Variants in PPTC7 observed in about 807,000 individuals in gnomAD.
The protein encoded by PPTC7 is protein phosphatase PTC7 homolog.
In PPTC7, 6 loss-of-function variants were observed where a neutral mutation model predicts 30.8. That is an observed-to-expected ratio of 0.19 (90% CI 0.11 to 0.38). The LOEUF (loss-of-function observed/expected upper bound fraction) is 0.38. PPTC7 is among the 10% of genes least tolerant of loss of function. The pLI, the probability that PPTC7 is intolerant of heterozygous loss-of-function variation, is 1.00. For missense variants in PPTC7, 218 were observed against 404.8 expected (o/e 0.54, Z 3.96); for synonymous variants, 163 against 168.1 (o/e 0.97, Z 0.23).
chr12:110,542,737 T>C (rs946615933), intron 3 of PPTC7, among the ~76,000 whole-genome samples: 1 of 149,506 alleles, frequency 6.7e-6, no homozygotes, highest in Non-Finnish European at 1.5e-5. Flanking sequence ...AAAGAAACCT[T>C]TGAGGACAGA....
intron 3 of PPTC7, among the ~76,000 whole-genome samples, chr12:110,540,321 C>CCCCTT (rs377082561): frequency 3.8e-5 from 4 of 105,010 alleles, no homozygotes; most frequent in Non-Finnish European, 5.5e-5. Context: ...CCCCCCCCGC[C>CCCCTT]TTTTTTTTTT....
chr12:110,539,783 G>C, intron 4 of PPTC7, 39 bp downstream of exon 4: 2 of 1,603,876 alleles, frequency 1.2e-6, no homozygotes, highest in African/African-American at 2.7e-5. Context: ...TATCCAGAGA[G>C]GGCCACTTTT....
At chr12:110,582,687 GCTCC>G (rs1323817500) in intron 1 of PPTC7, 118 bp downstream of exon 1, 1 of 804,320 alleles carries the variant, frequency 1.2e-6, no homozygotes, top group Non-Finnish European at 1.9e-6. Context: ...CATAGTAAGC[GCTCC>G]CTCCATGTGA....
chr12:110,545,844 T>A, intron 3 of PPTC7, 36 bp downstream of exon 3: 2 of 1,599,392 alleles, frequency 1.3e-6, no homozygotes, highest in South Asian at 2.2e-5. Flanking sequence ...ATGAGCCACG[T>A]CCTGCTCACA....
At chr12:110,564,445 G>C (rs550235276) in intron 1 of PPTC7, among the ~76,000 whole-genome samples, 1 of 152,168 alleles carries the variant, frequency 6.6e-6, no homozygotes, top group African/African-American at 2.4e-5. Context: ...TTTAGGCTGG[G>C]GAGAAGATTT....
chr12:110,547,526 T>C (rs1034969709), intron 2 of PPTC7, among the ~76,000 whole-genome samples: 2 of 152,090 alleles, frequency 1.3e-5, no homozygotes, highest in Non-Finnish European at 2.9e-5. Context: ...AAGATAACTA[T>C]AAAATAAGTA....
chr12:110,582,881 G>A lies in PPTC7; in HGVS notation c.151C>T (p.Leu51Phe), dbSNP rs761738633. 2.6e-6 allele frequency: 4 copies of A among 1,555,928 alleles called. No individual in the cohort carries two copies. The highest frequency in any genetic ancestry group is 1.2e-5 in the South Asian group (1 of 84,728). ...CCGTAGCACGCGCCCTTCTTGAGGA[G>A]GCCCTTACGGAAGTCCTTCCCGAAG... ...CGFGKDFRKG[L>F]LKKGACYGDD... Residue 51 changes from leucine to phenylalanine, a missense_variant, in exon 1 of 6, where the codon CTC (leucine) becomes TTC (phenylalanine). Coordinates refer to ENST00000354300, the MANE Select transcript of PPTC7 (RefSeq NM_139283.2).
chr12:110,563,553 T>C (rs1022017314), intron 1 of PPTC7, among the ~76,000 whole-genome samples: 3 of 151,856 alleles, frequency 2.0e-5, no homozygotes, highest in Admixed American at 6.6e-5. Context: ...AGGCAGAGGT[T>C]GTGGTGAGCC....
intron 1 of PPTC7, among the ~76,000 whole-genome samples, chr12:110,556,198 G>A (rs560368741): frequency 6.6e-6 from 1 of 152,138 alleles, no homozygotes; most frequent in South Asian, 2.1e-4. Context: ...CAACCTTTTG[G>A]GCACCTGTTT....
At position 110,534,636 on chromosome 12, in the gene PPTC7, C is replaced by T. The variant is rs192020837; in HGVS notation, c.*2401G>A. On this transcript the variant is annotated 3_prime_UTR_variant, in exon 6 of 6. Coordinates refer to ENST00000354300, the MANE Select transcript of PPTC7 (RefSeq NM_139283.2). ...AATTAAGTGCATAACACAAAAAGAA[C>T]AGGGGAAAATAGAGAAAATATTTTA... 2.0e-5 allele frequency: 3 copies of T among 152,076 alleles called. No homozygotes were observed. The highest frequency in any genetic ancestry group is 2.0e-4 in the Admixed American group (3 of 15,258). 9.4% of individuals were successfully genotyped at this position (152,076 alleles called of 1,614,324 possible). A position where few individuals can be genotyped will look rare whatever the true frequency, so the allele number is the denominator to read the frequency against.
rs573956011 is a variant in PPTC7 at position 110,552,172 on chromosome 12, A to G, written c.224-204T>C. On this transcript the variant is annotated intron_variant, in intron 1 of 5. Transcript: ENST00000354300. ...TTCACTACTTAGAATTTGGCCTTTC[A>G]TATATTGATGAATAAACTTTTGAGC... Among the ~76,000 whole-genome samples the G allele has an allele frequency of 5.3e-5, 8 of 152,352 alleles. No individual in the cohort carries two copies. In the South Asian group the frequency reaches 1.2e-3, roughly 24 times the overall value.
At position 110,546,033 on chromosome 12, in the gene PPTC7, C is replaced by T. The variant is rs751567756; in HGVS notation, c.449G>A (p.Arg150His). Residue 150 changes from arginine (R) to histidine (H), a missense_variant, in exon 3 of 6, where the codon CGC (arginine) becomes CAC (histidine). By Grantham distance (29) the Arg-to-His change is conservative (BLOSUM62 0). Transcript: ENST00000354300. ...CIVVLDRTSH[R>H]LHTANLGDSG... ...ATCGCCCAGGTTTGCTGTGTGTAAG[C>T]GGTGGCTGGTTCTGTCCAGCACCAC... 4.3e-6 allele frequency: 7 copies of T among 1,614,140 alleles called. No homozygotes were observed. Among genetic ancestry groups the T allele is most frequent in the East Asian group, 2.2e-5 (1 of 44,894 alleles).
chr12:110,554,992 A>C (rs1314530127), intron 1 of PPTC7, among the ~76,000 whole-genome samples: 1 of 152,140 alleles, frequency 6.6e-6, no homozygotes, highest in East Asian at 1.9e-4. Context: ...AATTTTTAAA[A>C]CTTTCTGAGC....
At chr12:110,559,713 A>T (rs542576570) in intron 1 of PPTC7, among the ~76,000 whole-genome samples, 189 of 149,290 alleles carry the variant, frequency 1.3e-3, no homozygotes, top group African/African-American at 4.5e-3. Flanking sequence ...GCGACAGAGC[A>T]AGACTCAGCC....
chr12:110,574,830 G>T (rs1398469528), intron 1 of PPTC7, among the ~76,000 whole-genome samples: 8 of 152,132 alleles, frequency 5.3e-5, no homozygotes, highest in Non-Finnish European at 1.2e-4. Context: ...CCAGGCTGGA[G>T]TGCAGTGGCA....
rs1480946083 is a variant in PPTC7, at chr12:110,535,823, T to C, written c.*1214A>G. ...GCTTGCAGATAATGTGAAAACTGAA[T>C]GCGGGGTAGTTTTGTAAGGAAACTA... is the stretch of plus-strand genomic sequence containing the variant. On this transcript the variant is annotated 3_prime_UTR_variant, in exon 6 of 6. Coordinates refer to ENST00000354300, the MANE Select transcript of PPTC7 (RefSeq NM_139283.2). 6.6e-6 allele frequency: 1 copy of C among 152,646 alleles called. No homozygotes were observed. The highest frequency in any genetic ancestry group is 1.5e-5 in the Non-Finnish European group (1 of 68,024). The allele number at this position is 152,646 out of a possible 1,614,324, so 9.5% of individuals were successfully genotyped here.
intron 1 of PPTC7, among the ~76,000 whole-genome samples, chr12:110,561,882 C>A (rs1287636438): frequency 1.3e-5 from 2 of 151,986 alleles, no homozygotes; most frequent in Non-Finnish European, 2.9e-5. Context: ...TCACTTGAGC[C>A]CGGGAGCTGT....
In PPTC7 at chr12:110,578,647, T is replaced by C. The variant is rs74901993; in HGVS notation, c.223+4162A>G. 4.8e-3 allele frequency among the ~76,000 whole-genome samples: 732 copies of C among 152,348 alleles called. 4 individuals are homozygous for C. Among genetic ancestry groups the C allele is most frequent in the African/African-American group, 0.017 (713 of 41,576 alleles). On this transcript the variant is annotated intron_variant, in intron 1 of 5. Transcript: ENST00000354300. The stretch of plus-strand genomic sequence containing the variant: ...AGCTTTCATTCCAGTCAAGGAGTCC[T>C]AGATGACCACAGTGAATAATCTGTT...
intron 1 of PPTC7, among the ~76,000 whole-genome samples, chr12:110,560,827 G>C (rs2064432748): frequency 6.6e-6 from 1 of 152,188 alleles, no homozygotes; most frequent in African/African-American, 2.4e-5. Flanking sequence ...TTTATTCCTT[G>C]CATCTTTGAT....
Sources: gnomAD v4.1 joint callset for allele counts (sites outside exome capture counted in the v4.1 genomes callset) on GRCh38, gnomAD v4.1.1 for gene constraint, MANE v1.5 for transcripts, NCBI Gene and HGNC (gene_info 2026-07-23, HGNC 2026-07-21) for gene names.